MBNL1: variants seen among roughly 807,000 people sequenced by gnomAD.
The protein encoded by MBNL1 is muscleblind-like protein 1.
A neutral mutation model predicts 42.2 loss-of-function variants in MBNL1; 8 were observed. The observed-to-expected ratio is 0.19, with a 90% confidence interval of 0.11 to 0.34. The LOEUF is 0.34. Among genes scored for constraint, MBNL1 ranks in the 10% least tolerant of loss-of-function variants. The pLI is 1.00. For missense variants in MBNL1, 309 were observed against 495.3 expected (o/e 0.62, Z 3.57); for synonymous variants, 169 against 173.9 (o/e 0.97, Z 0.22).
At chr3:152,263,609 T>C (rs2036685546), upstream of MBNL1, 1 of 152,224 alleles carries the variant, frequency 6.6e-6, no homozygotes, top group South Asian at 2.1e-4. Flanking sequence ...CACTTTTGGT[T>C]TGCTGTCATT....
At chr3:152,339,413 A>G (rs1157634259) in intron 2 of MBNL1, among the ~76,000 whole-genome samples, 1 of 152,132 alleles carries the variant, frequency 6.6e-6, no homozygotes, top group Non-Finnish European at 1.5e-5. Flanking sequence ...TTAAGTTAAC[A>G]ATACAAAACA....
intron 2 of MBNL1, among the ~76,000 whole-genome samples, chr3:152,366,339 A>G (rs939204257): frequency 2.0e-5 from 3 of 152,058 alleles, no homozygotes; most frequent in Non-Finnish European, 4.4e-5. Context: ...ACCTTTCATC[A>G]CATGTAATTT....
chr3:152,431,454 G>A (rs970971584), intron 3 of MBNL1, among the ~76,000 whole-genome samples: 1 of 152,064 alleles, frequency 6.6e-6, no homozygotes, highest in Non-Finnish European at 1.5e-5. Flanking sequence ...AATTACATTT[G>A]TAATATATAC....
rs10935891 is a variant in MBNL1 at position 152,310,454 on chromosome 3, T to C, written c.174+10087T>C. 9.1e-4 allele frequency among the ~76,000 whole-genome samples: 139 copies of C among 152,338 alleles called. 2 individuals are homozygous for C. In the East Asian group the frequency reaches 0.02, roughly 22 times the overall value. ...GTCTTTATGCTAAGTTTAACTTGTT[T>C]AAATAGCAAGATTATGAAGCACTAT... On this transcript the variant is annotated intron_variant, in intron 2 of 9. Transcript: ENST00000324210.
intron 1 of MBNL1, among the ~76,000 whole-genome samples, chr3:152,278,889 C>A (rs2046830065): frequency 6.6e-6 from 1 of 151,930 alleles, no homozygotes; most frequent in Non-Finnish European, 1.5e-5. Flanking sequence ...CTTTGACATA[C>A]AATTGGGTTG....
chr3:152,323,596 C>T (rs1002189308), intron 2 of MBNL1, among the ~76,000 whole-genome samples: 4 of 152,104 alleles, frequency 2.6e-5, no homozygotes, highest in African/African-American at 9.7e-5. Context: ...CACATCTAGG[C>T]TGTATAGTAC....
chr3:152,394,289 CTATT>C (rs762778809), intron 2 of MBNL1, among the ~76,000 whole-genome samples: 21 of 152,164 alleles, frequency 1.4e-4, no homozygotes, highest in Non-Finnish European at 2.8e-4. Flanking sequence ...GTCTGTCTGA[CTATT>C]TATATACAGT....
At chr3:152,268,735 G>T (rs1436270831), upstream of MBNL1, 2 of 455,094 alleles carry the variant, frequency 4.4e-6, no homozygotes, top group Non-Finnish European at 8.8e-6. Context: ...GTTGACAGGC[G>T]ACCCTGTGGC....
At chr3:152,459,102 CT>C in intron 8 of MBNL1, 168 bp from the exon 9 acceptor site, 1 of 440,394 alleles carries the variant, frequency 2.3e-6, no homozygotes, top group Non-Finnish European at 4.1e-6. Context: ...TTAGTTGCTA[CT>C]TTGGCATTTA....
rs1367390688 is a variant in MBNL1 at position 152,293,814 on chromosome 3, CAT to C, written c.-789-5588_-789-5587del. 5.3e-5 allele frequency among the ~76,000 whole-genome samples: 8 copies of C among 152,236 alleles called. No homozygotes were observed. In the East Asian group the frequency reaches 5.8e-4, roughly 11 times the overall value. ...AAGAACTTTTGCAATGATTAGTAAA[CAT>C]ATGTGAGCAAGAAATTTAACCTTGC... On this transcript the variant is annotated intron_variant, in intron 1 of 9. Coordinates refer to ENST00000324210, the MANE Select transcript of MBNL1 (RefSeq NM_021038.5).
intron 2 of MBNL1, among the ~76,000 whole-genome samples, chr3:152,334,119 A>C (rs1004364993): frequency 1.3e-5 from 2 of 152,218 alleles, no homozygotes; most frequent in Non-Finnish European, 2.9e-5. Flanking sequence ...TGTCATGATG[A>C]AGTGAACACT....
chr3:152,402,512 C>T (rs1169362894), intron 2 of MBNL1, among the ~76,000 whole-genome samples: 6 of 152,144 alleles, frequency 3.9e-5, no homozygotes, highest in Non-Finnish European at 7.4e-5. Flanking sequence ...ATGTCAACTC[C>T]TGGGACTGTT....
intron 4 of MBNL1, among the ~76,000 whole-genome samples, chr3:152,444,509 G>A (rs1011759551): frequency 2.6e-5 from 4 of 152,038 alleles, no homozygotes; most frequent in African/African-American, 9.7e-5. Context: ...TTTTTCACTT[G>A]GAAATAATTT....
At chr3:152,423,744 C>A (rs1286592597) in intron 3 of MBNL1, among the ~76,000 whole-genome samples, 1 of 152,144 alleles carries the variant, frequency 6.6e-6, no homozygotes, top group Admixed American at 6.5e-5. Flanking sequence ...ATGATCAAGT[C>A]GGTTTCATCC....
Position 152,447,639 on chromosome 3 carries a change from T to C in MBNL1, c.827T>C (p.Leu276Pro), listed in dbSNP as rs912936748. The C allele has an allele frequency of 6.2e-7, 1 of 1,613,540 alleles. No individual in the cohort carries two copies. Among genetic ancestry groups the C allele is most frequent in the Non-Finnish European group, 8.5e-7 (1 of 1,179,564 alleles). Residue 276 changes from leucine to proline, a missense_variant, in exon 6 of 10, where the codon CTT becomes CCT. By Grantham distance (98) the Leu-to-Pro change is moderately conservative. Transcript: ENST00000324210. ...AAAMGIPQAV[L>P]PPLPKRPALE... ...AAACAGGGAATTCCTCAAGCTGTAC[T>C]TCCCCCATTACCAAAGAGGCCTGCT...
At chr3:152,342,396 G>A (rs773016046) in intron 2 of MBNL1, among the ~76,000 whole-genome samples, 3 of 152,024 alleles carry the variant, frequency 2.0e-5, no homozygotes, top group East Asian at 3.8e-4. Flanking sequence ...TTAATTTTAC[G>A]AGACAGAGTA....
intron 2 of MBNL1, among the ~76,000 whole-genome samples, chr3:152,322,335 T>G (rs1003185493): frequency 6.6e-6 from 1 of 152,090 alleles, no homozygotes. Flanking sequence ...GCCATAACTT[T>G]CCTTGCCCCA....
intron 6 of MBNL1, chr3:152,449,281 A>T (rs1716852000): frequency 6.6e-6 from 1 of 152,232 alleles, no homozygotes; most frequent in Non-Finnish European, 1.5e-5. Context: ...CAGCTAGACC[A>T]GAGGTAGTGA....
At chr3:152,244,907 T>G (rs2032543959) in intron 2 of MBNL1, among the ~76,000 whole-genome samples, 1 of 152,132 alleles carries the variant, frequency 6.6e-6, no homozygotes, top group Non-Finnish European at 1.5e-5. Flanking sequence ...CGTGAAAATA[T>G]ATTGTATCAT....
Sources: gnomAD v4.1 joint callset for allele counts (sites outside exome capture counted in the v4.1 genomes callset) on GRCh38, gnomAD v4.1.1 for gene constraint, MANE v1.5 for transcripts, NCBI Gene and HGNC (gene_info 2026-07-23, HGNC 2026-07-21) for gene names.